The following TRDN variants were observed in gnomAD, a reference collection of about 807,000 sequenced individuals.
TRDN encodes triadin, also known as triadin in skeletal muscle.
Under a neutral mutation model 149.7 loss-of-function variants are expected in TRDN, and 161 were observed. The observed-to-expected ratio is 1.08, with a 90% CI of 0.95 to 1.23. The LOEUF (loss-of-function observed/expected upper bound fraction) is 1.23. Among genes scored for constraint, TRDN ranks in the 50% most tolerant of loss-of-function variants. The pLI, the probability that TRDN is intolerant of heterozygous loss-of-function variation, is 0.00. For synonymous variants in TRDN, 294 were observed against 250.5 expected (o/e 1.17, Z -1.64); for missense variants, 896 against 823.5 (o/e 1.09, Z -1.08).
chr6:123,589,647 T>A (rs1211304605), intron 1 of TRDN, among the ~76,000 whole-genome samples: 3 of 152,212 alleles, frequency 2.0e-5, no homozygotes, highest in Non-Finnish European at 1.5e-5. Flanking sequence ...CATGGAGTCA[T>A]AATCACACTA....
At chr6:123,408,115 G>A (rs1000031706) in intron 12 of TRDN, among the ~76,000 whole-genome samples, 2 of 152,070 alleles carry the variant, frequency 1.3e-5, no homozygotes, top group African/African-American at 2.4e-5. Context: ...GTACTAATCA[G>A]TACATTGAAA....
rs145116959 is a variant in TRDN at position 123,245,838 on chromosome 6, G to A, written c.1975+6574C>T. ...TATTCCAAGATTGACCACATAGTTG[G>A]AAGTAAAGCACTCCTCAGCAAATGC... On this transcript the variant is annotated intron_variant, in intron 38 of 40. Coordinates refer to ENST00000334268, the MANE Select transcript of TRDN (RefSeq NM_006073.4). Among the ~76,000 whole-genome samples the A allele has an allele frequency of 3.1e-3, 470 of 152,224 alleles. 18 individuals carry two copies. In the East Asian group the frequency reaches 0.077, roughly 25 times the overall value.
At chr6:123,562,565 C>T (rs1263741575) in intron 2 of TRDN, among the ~76,000 whole-genome samples, 2 of 152,106 alleles carry the variant, frequency 1.3e-5, no homozygotes, top group Non-Finnish European at 1.5e-5. Context: ...TCCCAGCCTC[C>T]AGAATTGTGA....
intron 1 of TRDN, among the ~76,000 whole-genome samples, chr6:123,579,842 T>C (rs1383035054): frequency 6.6e-6 from 1 of 152,202 alleles, no homozygotes; most frequent in African/African-American, 2.4e-5. Flanking sequence ...CAAGACCTGA[T>C]AGTTTTATAA....
At chr6:123,251,319 CACTGACT>C (rs1416905595) in intron 38 of TRDN, among the ~76,000 whole-genome samples, 2 of 151,922 alleles carry the variant, frequency 1.3e-5, no homozygotes, top group Non-Finnish European at 2.9e-5. Flanking sequence ...ATGCTGTAGC[CACTGACT>C]ACATGGGGAT....
chr6:123,259,724 C>T, intron 34 of TRDN, 62 bp from the exon 35 acceptor site: 3 of 1,214,038 alleles, frequency 2.5e-6, no homozygotes, highest in African/African-American at 1.5e-5. Context: ...CTTACTCATT[C>T]TTGGAGTAAA....
chr6:123,388,592 A>G (rs1402652991), intron 13 of TRDN, 41 bp from the exon 14 acceptor site: 1 of 1,562,606 alleles, frequency 6.4e-7, no homozygotes, highest in South Asian at 1.2e-5. Flanking sequence ...TGAAATGACC[A>G]TTCCTCAGAA....
chr6:123,549,902 T>C (rs191249684), intron 2 of TRDN, among the ~76,000 whole-genome samples: 7 of 152,004 alleles, frequency 4.6e-5, no homozygotes, highest in African/African-American at 1.7e-4. Flanking sequence ...AAGTTTTTGG[T>C]GTGAGAAACT....
At chr6:123,404,404 C>CT (rs1773108026) in intron 12 of TRDN, among the ~76,000 whole-genome samples, 1 of 151,922 alleles carries the variant, frequency 6.6e-6, no homozygotes, top group African/African-American at 2.4e-5. Flanking sequence ...TATTTTTAAC[C>CT]TTTTTTAATT....
chr6:123,227,023 G>A (rs1164177441), intron 38 of TRDN, among the ~76,000 whole-genome samples: 3 of 151,816 alleles, frequency 2.0e-5, no homozygotes, highest in South Asian at 2.1e-4. Flanking sequence ...TAGAGGAGAC[G>A]TTCTGGAAAA....
intron 12 of TRDN, among the ~76,000 whole-genome samples, chr6:123,428,213 C>T (rs750822741): frequency 2.0e-5 from 3 of 152,104 alleles, no homozygotes; most frequent in Non-Finnish European, 4.4e-5. Flanking sequence ...GGATAGGACC[C>T]GTGGCCTAAA....
intron 1 of TRDN, among the ~76,000 whole-genome samples, chr6:123,625,551 C>G (rs1465601598): frequency 6.6e-6 from 1 of 152,124 alleles, no homozygotes; most frequent in Non-Finnish European, 1.5e-5. Context: ...ATAGTGACTA[C>G]AGTCAACAGT....
At chr6:123,448,551 A>AC (rs1233263606) in intron 10 of TRDN, among the ~76,000 whole-genome samples, 5 of 149,598 alleles carry the variant, frequency 3.3e-5, no homozygotes, top group African/African-American at 9.8e-5. Context: ...TGGGAATCTC[A>AC]CCCCCATCCC....
At chr6:123,252,497 C>G in intron 37 of TRDN, 62 bp from the exon 38 acceptor site, 1 of 866,922 alleles carries the variant, frequency 1.2e-6, no homozygotes, top group Non-Finnish European at 1.8e-6. Flanking sequence ...AATTATAAAT[C>G]AGTGGACTTT....
At chr6:123,599,393 T>G (rs140379232) in intron 1 of TRDN, among the ~76,000 whole-genome samples, 22 of 152,082 alleles carry the variant, frequency 1.4e-4, no homozygotes, top group African/African-American at 5.3e-4. Flanking sequence ...AACTCATTCA[T>G]AACTACCATT....
chr6:123,613,265 AC>A, intron 1 of TRDN, among the ~76,000 whole-genome samples: 1 of 152,190 alleles, frequency 6.6e-6, no homozygotes, highest in Non-Finnish European at 1.5e-5. Context: ...ATCCCAACTT[AC>A]ATTAAAACTG....
intron 4 of TRDN, among the ~76,000 whole-genome samples, chr6:123,531,395 T>C (rs1028985885): frequency 6.6e-6 from 1 of 152,094 alleles, no homozygotes; most frequent in Non-Finnish European, 1.5e-5. Context: ...TTAATTACTG[T>C]ACACATTTTA....
At chr6:123,530,851 G>A (rs1780212055) in intron 4 of TRDN, among the ~76,000 whole-genome samples, 1 of 151,786 alleles carries the variant, frequency 6.6e-6, no homozygotes, top group Non-Finnish European at 1.5e-5. Context: ...GCTAAAATTG[G>A]TCACAAACTA....
chr6:123,361,497 A>G (rs1312424502), intron 20 of TRDN, among the ~76,000 whole-genome samples: 1 of 151,982 alleles, frequency 6.6e-6, no homozygotes, highest in East Asian at 1.9e-4. Flanking sequence ...TTGCACATGT[A>G]CCCCAGAACT....
Sources: allele counts gnomAD v4.1 joint callset (sites outside exome capture counted in the v4.1 genomes callset), GRCh38; gene constraint gnomAD v4.1.1; transcripts MANE v1.5; gene names NCBI Gene and HGNC (gene_info 2026-07-23, HGNC 2026-07-21).